PDHX: variants seen among roughly 807,000 people sequenced by gnomAD.
The protein encoded by PDHX is pyruvate dehydrogenase complex component X.
In PDHX, 33 loss-of-function variants were observed where a neutral mutation model predicts 55.3. The ratio of observed to expected loss-of-function variants is 0.60; its 90% confidence interval spans 0.45 to 0.80. The LOEUF is 0.80. PDHX is among the 30% of genes least tolerant of loss of function. PDHX has a pLI of 0.00. For missense variants in PDHX, 622 were observed against 619.9 expected, an observed-to-expected ratio of 1.00 and a Z score of -0.04; for synonymous variants, 226 against 219.4, an observed-to-expected ratio of 1.03 and a Z score of -0.27.
intron 2 of PDHX, among the ~76,000 whole-genome samples, chr11:34,945,742 G>C (rs522436): frequency 0.22 from 32,969 of 152,156 alleles, 4,699 homozygotes; most frequent in Non-Finnish European, 0.33. Context: ...TTCTGTTTAA[G>C]TTTTTATCAA....
intron 8 of PDHX, among the ~76,000 whole-genome samples, chr11:34,982,105 G>T (rs1446352467): frequency 6.6e-6 from 1 of 152,092 alleles, no homozygotes; most frequent in Admixed American, 6.5e-5. Flanking sequence ...GTATTGCCTA[G>T]GTTTTCTTCT....
intron 3 of PDHX, among the ~76,000 whole-genome samples, chr11:34,951,687 G>C (rs1159933975): frequency 6.6e-6 from 1 of 152,126 alleles, no homozygotes; most frequent in East Asian, 1.9e-4. Flanking sequence ...CTGTGCAGAA[G>C]CTCTTTGGTT....
chr11:34,934,571 A>ATTTTTTTTTTTTTT (rs35227178), intron 2 of PDHX, among the ~76,000 whole-genome samples: 2 of 92,414 alleles, frequency 2.2e-5, no homozygotes, highest in Non-Finnish European at 2.0e-5. Flanking sequence ...GATATTATGG[A>ATTTTTTTTTTTTTT]TTTTTTTTTT....
At chr11:34,991,776 G>A (rs180939679) in intron 9 of PDHX, among the ~76,000 whole-genome samples, 26 of 151,690 alleles carry the variant, frequency 1.7e-4, no homozygotes, top group African/African-American at 6.3e-4. Flanking sequence ...TGGGCGTGGC[G>A]GTGGGTGCCT....
At chr11:34,982,209 T>C (rs1855530616) in intron 8 of PDHX, among the ~76,000 whole-genome samples, 1 of 152,218 alleles carries the variant, frequency 6.6e-6, no homozygotes. Flanking sequence ...CAGTTTCAGC[T>C]TTCTACATAT....
At chr11:34,958,807 A>T (rs1854959683) in intron 4 of PDHX, among the ~76,000 whole-genome samples, 1 of 152,204 alleles carries the variant, frequency 6.6e-6, no homozygotes, top group African/African-American at 2.4e-5. Flanking sequence ...GACTCGCATG[A>T]ATCAGGCCCC....
At chr11:34,963,744 G>A (rs764332622) in intron 5 of PDHX, among the ~76,000 whole-genome samples, 1 of 152,182 alleles carries the variant, frequency 6.6e-6, no homozygotes, top group Non-Finnish European at 1.5e-5. Flanking sequence ...CTTAAAACAA[G>A]CATTGCTCAG....
At chr11:34,965,347 A>G (rs1443297054) in intron 5 of PDHX, among the ~76,000 whole-genome samples, 2 of 152,214 alleles carry the variant, frequency 1.3e-5, no homozygotes, top group East Asian at 1.9e-4. Context: ...CGTGGTCTCC[A>G]TAGGCGGTTC....
Position 34,995,494 on chromosome 11 carries a change from G to A in PDHX, c.*322G>A. ...TATGTTTGGCTCATTTGAGCATTTT[G>A]GAATATTTGAGAATGTATGATACAT... is the stretch of plus-strand genomic sequence containing the variant. On this transcript the variant is annotated 3_prime_UTR_variant, in exon 11 of 11. Coordinates refer to ENST00000227868, the MANE Select transcript of PDHX (RefSeq NM_003477.3). 3 of 335,024 alleles carry A rather than the reference G, an allele frequency of 9.0e-6. No individual in the cohort carries two copies. Among genetic ancestry groups the A allele is most frequent in the Non-Finnish European group, 1.7e-5 (3 of 174,166 alleles). The allele number at this position is 335,024 out of a possible 1,614,324, so 20.8% of individuals were successfully genotyped here.
At chr11:34,925,948 A>G (rs563738034) in intron 1 of PDHX, among the ~76,000 whole-genome samples, 13 of 152,336 alleles carry the variant, frequency 8.5e-5, no homozygotes, top group African/African-American at 2.9e-4. Flanking sequence ...TATAGTCCCA[A>G]ACATTTCTGA....
intron 3 of PDHX, among the ~76,000 whole-genome samples, chr11:34,952,731 A>G (rs1005888207): frequency 6.7e-6 from 1 of 150,252 alleles, no homozygotes; most frequent in African/African-American, 2.5e-5. Context: ...CACAGCCAAT[A>G]TCATACTGAA....
At chr11:34,953,620 A>G (rs1854832937) in intron 3 of PDHX, among the ~76,000 whole-genome samples, 1 of 152,150 alleles carries the variant, frequency 6.6e-6, no homozygotes, top group Non-Finnish European at 1.5e-5. Flanking sequence ...TACAGACACC[A>G]TCTTGAGGTG....
In PDHX at chr11:34,932,630, T is replaced by C. The variant is rs540553743; in HGVS notation, c.241+1146T>C. Among the ~76,000 whole-genome samples, 5 of 152,304 alleles carry C rather than the reference T, an allele frequency of 3.3e-5. No individual in the cohort carries two copies. The South Asian group carries it at 8.3e-4, about 25-fold the overall frequency. On this transcript the variant is annotated intron_variant, in intron 2 of 10. Transcript: ENST00000227868. ...AGGGAAGAAGCAGGACTCTCAGACA[T>C]TGCTGGAGGAAATGCTAAATGGTGT...
chr11:34,992,461 T>C (rs1855775206), intron 10 of PDHX, 82 bp downstream of exon 10: 1 of 747,998 alleles, frequency 1.3e-6, no homozygotes, highest in African/African-American at 1.8e-5. Flanking sequence ...CTTTCATTTA[T>C]CTGAAATATT....
intron 3 of PDHX, among the ~76,000 whole-genome samples, chr11:34,953,305 T>C (rs1261682035): frequency 6.6e-6 from 1 of 152,224 alleles, no homozygotes; most frequent in Non-Finnish European, 1.5e-5. Flanking sequence ...CCCATCAAGC[T>C]ACCAATGCCT....
intron 5 of PDHX, among the ~76,000 whole-genome samples, chr11:34,962,597 A>C (rs1380722928): frequency 1.3e-5 from 2 of 152,184 alleles, no homozygotes; most frequent in Non-Finnish European, 2.9e-5. Context: ...TTGGTAGATA[A>C]TAAAGCAATA....
intron 2 of PDHX, among the ~76,000 whole-genome samples, chr11:34,933,764 GA>G (rs1854234178): frequency 6.6e-6 from 1 of 152,114 alleles, no homozygotes; most frequent in Non-Finnish European, 1.5e-5. Flanking sequence ...TGTCAGTTCA[GA>G]AAGCAAGGAA....
At chr11:34,964,336 A>C (rs545711168) in intron 5 of PDHX, among the ~76,000 whole-genome samples, 2 of 152,090 alleles carry the variant, frequency 1.3e-5, no homozygotes. Context: ...AGGTGCAGTG[A>C]CTCACACCTG....
At chr11:34,959,402 A>AAAAC (rs141164880) in intron 4 of PDHX, among the ~76,000 whole-genome samples, 1 of 151,110 alleles carries the variant, frequency 6.6e-6, no homozygotes, top group East Asian at 2.0e-4. Flanking sequence ...GGCTAGTATC[A>AAAAC]AAACAAACAA....
Sources: gnomAD v4.1 joint callset for allele counts (sites outside exome capture counted in the v4.1 genomes callset) on GRCh38, gnomAD v4.1.1 for gene constraint, MANE v1.5 for transcripts, NCBI Gene and HGNC (gene_info 2026-07-23, HGNC 2026-07-21) for gene names.